The following TMPRSS15 variants were observed in gnomAD, a reference collection of about 807,000 sequenced individuals.
The protein encoded by TMPRSS15 is transmembrane serine protease 15, also known as enteropeptidase.
A neutral mutation model predicts 125.3 loss-of-function variants in TMPRSS15; 128 were observed. That is an observed-to-expected ratio of 1.02 (90% CI 0.89 to 1.18). TMPRSS15 has a LOEUF of 1.18. Among genes scored for constraint, TMPRSS15 ranks in the 50% most tolerant of loss-of-function variants. TMPRSS15 has a pLI of 0.00. For synonymous variants in TMPRSS15, 446 were observed against 423.2 expected, an observed-to-expected ratio of 1.05 and a Z score of -0.66; for missense variants, 1,283 against 1,212.7, an observed-to-expected ratio of 1.06 and a Z score of -0.86.
chr21:18,284,061 T>G (rs1252318970), intron 21 of TMPRSS15, among the ~76,000 whole-genome samples: 2 of 152,246 alleles, frequency 1.3e-5, no homozygotes, highest in Non-Finnish European at 2.9e-5. Flanking sequence ...CAAAATTGTT[T>G]ATTGTGCCAC....
chr21:18,385,563 G>T (rs1034425905), intron 3 of TMPRSS15, among the ~76,000 whole-genome samples: 5 of 152,070 alleles, frequency 3.3e-5, no homozygotes, highest in Non-Finnish European at 7.4e-5. Context: ...AACATTATTA[G>T]GTCTACATAA....
intron 1 of TMPRSS15, among the ~76,000 whole-genome samples, chr21:18,469,013 A>G (rs1978724222): frequency 6.6e-6 from 1 of 152,206 alleles, no homozygotes. Context: ...TATAAAGTAG[A>G]AAATCACATG....
At chr21:18,449,761 A>G (rs1227720322) in intron 1 of TMPRSS15, among the ~76,000 whole-genome samples, 2 of 149,720 alleles carry the variant, frequency 1.3e-5, no homozygotes, top group Non-Finnish European at 2.9e-5. Context: ...AGCTCTTCAC[A>G]GTCATCCTTG....
chr21:18,352,347 C>T (rs1434527765), intron 10 of TMPRSS15, among the ~76,000 whole-genome samples: 1 of 152,060 alleles, frequency 6.6e-6, no homozygotes, highest in Non-Finnish European at 1.5e-5. Context: ...GCTTTAGAAT[C>T]AGACTTCCAT....
At chr21:18,311,594 T>C (rs1200810089) in intron 18 of TMPRSS15, among the ~76,000 whole-genome samples, 1 of 152,150 alleles carries the variant, frequency 6.6e-6, no homozygotes, top group Non-Finnish European at 1.5e-5. Flanking sequence ...TAAGGGATAC[T>C]GGTGAAGACA....
At chr21:18,444,156 G>A (rs2824836) in intron 1 of TMPRSS15, among the ~76,000 whole-genome samples, 15,521 of 152,176 alleles carry the variant, frequency 0.1, 1,023 homozygotes, top group African/African-American at 0.18. Flanking sequence ...GCCTGAATTT[G>A]CCAAGGGTTG....
chr21:18,307,241 G>T (rs185259685), intron 18 of TMPRSS15, among the ~76,000 whole-genome samples: 2 of 152,268 alleles, frequency 1.3e-5, no homozygotes, highest in African/African-American at 4.8e-5. Context: ...ACTCATTTAC[G>T]AAGAAAGCAA....
intron 1 of TMPRSS15, among the ~76,000 whole-genome samples, chr21:18,466,425 A>T (rs866454733): frequency 2.9e-4 from 44 of 152,012 alleles, no homozygotes; most frequent in Admixed American, 2.0e-3. Context: ...ATCTAATTAA[A>T]CTAAACAGCT....
At chr21:18,348,092 G>C (rs933593826) in intron 10 of TMPRSS15, among the ~76,000 whole-genome samples, 1 of 152,076 alleles carries the variant, frequency 6.6e-6, no homozygotes, top group Non-Finnish European at 1.5e-5. Context: ...GGCTGAGGTG[G>C]GAGTATCTCT....
chr21:18,332,045 G>T, intron 14 of TMPRSS15, 39 bp downstream of exon 14: 1 of 1,555,674 alleles, frequency 6.4e-7, no homozygotes, highest in South Asian at 1.1e-5. Context: ...ATTTCATATG[G>T]ACATTTGTTT....
intron 21 of TMPRSS15, among the ~76,000 whole-genome samples, chr21:18,291,105 G>A (rs901160028): frequency 2.6e-5 from 4 of 152,152 alleles, no homozygotes; most frequent in African/African-American, 9.7e-5. Flanking sequence ...TGCATGAATC[G>A]CAGTAGGCAA....
At chr21:18,359,183 A>G (rs981376591) in intron 8 of TMPRSS15, among the ~76,000 whole-genome samples, 6 of 152,002 alleles carry the variant, frequency 3.9e-5, no homozygotes, top group Non-Finnish European at 7.4e-5. Flanking sequence ...ACATATTACT[A>G]GGGCATTCCC....
At chr21:18,281,253 T>C in intron 21 of TMPRSS15, 32 bp from the exon 22 acceptor site, 2 of 1,587,022 alleles carry the variant, frequency 1.3e-6, no homozygotes, top group Non-Finnish European at 1.7e-6. Flanking sequence ...TATGAGACAC[T>C]CTCCATCCAA....
At chr21:18,297,942 A>G in intron 18 of TMPRSS15, 113 bp from the exon 19 acceptor site, 1 of 740,600 alleles carries the variant, frequency 1.4e-6, no homozygotes, top group Non-Finnish European at 2.2e-6. Flanking sequence ...ATGGGATACC[A>G]GCCAAAAAAA....
At chr21:18,270,329 A>T (rs1367613273) in intron 24 of TMPRSS15, among the ~76,000 whole-genome samples, 1 of 152,180 alleles carries the variant, frequency 6.6e-6, no homozygotes, top group Non-Finnish European at 1.5e-5. Flanking sequence ...AACAACTAAG[A>T]CATCATTTAT....
At chr21:18,443,005 C>G (rs1169402558) in intron 1 of TMPRSS15, among the ~76,000 whole-genome samples, 1 of 152,042 alleles carries the variant, frequency 6.6e-6, no homozygotes, top group African/African-American at 2.4e-5. Flanking sequence ...TTCAAATATA[C>G]CTTGAATTAA....
chr21:18,327,651 T>C lies in TMPRSS15; in HGVS notation c.1781-1079A>G, dbSNP rs141693457. On this transcript the variant is annotated intron_variant, in intron 15 of 24. Transcript: ENST00000284885. ...TAGTTGCAGCATTCATGTGATTGTATCCTGACTGCATATCTATTAGATCAG... is the reference window on the plus strand; with the variant it reads ...TAGTTGCAGCATTCATGTGATTGTACCCTGACTGCATATCTATTAGATCAG... Among the ~76,000 whole-genome samples, 131 of 152,328 alleles carry C rather than the reference T, an allele frequency of 8.6e-4. No homozygotes were observed. In the Middle Eastern group the frequency reaches 0.01, roughly 12 times the overall value.
chr21:18,458,641 A>T (rs745743155), intron 1 of TMPRSS15, among the ~76,000 whole-genome samples: 28 of 152,170 alleles, frequency 1.8e-4, no homozygotes, highest in Non-Finnish European at 3.4e-4. Context: ...AGAAAATATT[A>T]GAATTAACAT....
intron 4 of TMPRSS15, among the ~76,000 whole-genome samples, chr21:18,380,209 ATATATCT>A (rs2075880150): frequency 6.8e-6 from 1 of 147,966 alleles, no homozygotes; most frequent in Non-Finnish European, 1.5e-5. Flanking sequence ...ACACACACTC[ATATATCT>A]CTCATATGTA....
Sources: gnomAD v4.1 joint callset for allele counts (sites outside exome capture counted in the v4.1 genomes callset) on GRCh38, gnomAD v4.1.1 for gene constraint, MANE v1.5 for transcripts, NCBI Gene and HGNC (gene_info 2026-07-23, HGNC 2026-07-21) for gene names.